Variants in PMS2 observed in about 807,000 individuals in gnomAD.
The protein encoded by PMS2 is PMS1 homolog 2, mismatch repair system component, also known as mismatch repair endonuclease PMS2.
In PMS2, 69 loss-of-function variants were observed where a neutral mutation model predicts 90.0. The observed-to-expected ratio is 0.77, with a 90% CI of 0.63 to 0.94. PMS2 has a LOEUF of 0.94. PMS2 is among the 40% of genes least tolerant of loss of function. The probability of loss-of-function intolerance (pLI) is 0.00; values close to 1 mark genes in which losing one functional copy is unlikely to be tolerated. For missense variants in PMS2, 966 were observed against 1,040.2 expected (o/e 0.93, Z 0.98); for synonymous variants, 332 against 375.1 (o/e 0.89, Z 1.33).
intron 5 of PMS2, among the ~76,000 whole-genome samples, chr7:5,999,779 G>C (rs989815505): frequency 1.8e-4 from 27 of 152,118 alleles, no homozygotes; most frequent in African/African-American, 5.6e-4. Flanking sequence ...CTCGGTGACA[G>C]AGTGAGGCCC....
intron 5 of PMS2, among the ~76,000 whole-genome samples, chr7:6,001,440 G>A (rs1175785436): frequency 6.8e-6 from 1 of 147,026 alleles, no homozygotes; most frequent in Non-Finnish European, 1.5e-5. Context: ...GCTTGATCTC[G>A]GCTCACCGCA....
rs1060503115 is a variant in PMS2, at chr7:5,978,664, T to A, written c.2207A>T (p.Glu736Val). 6.2e-7 allele frequency: 1 copy of A among 1,601,858 alleles called. No individual in the cohort carries two copies. ...TTCCAGATTTTCTATCAGAACAGCT[T>A]CATTAACAGCAGTTAAGTTGAGAGT... ...PQTLNLTAVN[E>V]AVLIENLEIF... The change falls in exon 13 of 15, where the codon GAA becomes GTA. Residue 736 changes from glutamate to valine, a missense_variant. Glu to Val is a moderately radical substitution (Grantham distance 121, BLOSUM62 -2). Around this residue, in one of 2 missense-constraint regions of PMS2, gnomAD observed 95 missense variants for 237.8 expected, o/e 0.40. Coordinates refer to ENST00000265849, the MANE Select transcript of PMS2 (RefSeq NM_000535.7).
chr7:5,985,649 G>C, intron 11 of PMS2, among the ~76,000 whole-genome samples: 1 of 149,308 alleles, frequency 6.7e-6, no homozygotes. Context: ...CACCTCCCGG[G>C]TTCAAGCAAT....
chr7:5,983,330 C>G (rs4724765), intron 11 of PMS2, among the ~76,000 whole-genome samples: 1 of 149,756 alleles, frequency 6.7e-6, no homozygotes, highest in Non-Finnish European at 1.5e-5. Flanking sequence ...AGGCTGGTCT[C>G]GAACTCCTGA....
rs63750535 is a variant in PMS2 at position 5,987,147 on chromosome 7, G to C, written c.1618C>G (p.Pro540Ala). ...TCTGAAAAAGAGTCGTCAGTTTTAG[G>C]CGCTTTCTCCTGAGAGTCCACATGT... is the stretch of plus-strand genomic sequence containing the variant. ...QEHVDSQEKA[P>A]KTDDSFSDVD... Residue 540 changes from proline (P) to alanine (A), a missense_variant, in exon 11 of 15, where the codon CCT becomes GCT. Pro to Ala is a conservative substitution (Grantham distance 27). This residue lies in a region of PMS2 where 871 missense variants were observed against 802.4 expected (regional missense o/e 1.09). Transcript: ENST00000265849. 6.2e-7 allele frequency: 1 copy of C among 1,613,774 alleles called. No individual in the cohort carries two copies. The highest frequency in any genetic ancestry group is 8.5e-7 in the Non-Finnish European group (1 of 1,179,812).
intron 7 of PMS2, among the ~76,000 whole-genome samples, chr7:5,996,568 T>G (rs1341390489): frequency 1.1e-5 from 1 of 93,666 alleles, no homozygotes; most frequent in Non-Finnish European, 2.1e-5. Flanking sequence ...CAAGACTCCA[T>G]CTCAAAGCTA....
chr7:5,983,586 C>T (rs1782540681), intron 11 of PMS2, among the ~76,000 whole-genome samples: 1 of 151,614 alleles, frequency 6.6e-6, no homozygotes, highest in African/African-American at 2.4e-5. Flanking sequence ...TCCATTCTGT[C>T]ATCACTTAAT....
Position 6,003,973 on chromosome 7 carries a change from T to C in PMS2, c.249A>G (p.Leu83=), listed in dbSNP as rs2128829264. 6.3e-7 allele frequency: 1 copy of C among 1,583,232 alleles called. No individual in the cohort carries two copies. Among genetic ancestry groups the C allele is most frequent in the South Asian group, 1.1e-5 (1 of 90,356 alleles). Residue 83 remains leucine (L), a splice_region_variant and synonymous_variant, in exon 3 of 15, where the codon TTA becomes TTG. Transcript: ENST00000265849. The part of the protein sequence containing the change: ...CGVEEENFEG[L]TLKHHTSKIQ... ...TAGGATTAGAAAAAGTCAACTTACTTAAGCCTTCGAAGTTTTCTTCTTCTA... is the reference window on the plus strand; with the variant it reads ...TAGGATTAGAAAAAGTCAACTTACTCAAGCCTTCGAAGTTTTCTTCTTCTA...
rs1781453275 is a variant in PMS2 at position 5,973,137 on chromosome 7, C to G, written c.*262G>C. On this transcript the variant is annotated 3_prime_UTR_variant, in exon 15 of 15. Transcript: ENST00000265849. ...CGATCACAGGCATGAGCCACCATGC[C>G]CAGCCCAAGTGTTCTTATTTTTATA... is the stretch of plus-strand genomic sequence containing the variant. 1.3e-5 allele frequency: 5 copies of G among 392,378 alleles called. No individual in the cohort carries two copies. The highest frequency in any genetic ancestry group is 1.1e-4 in the South Asian group (5 of 45,450). The allele number at this position is 392,378 out of a possible 1,614,324, so 24.3% of individuals were successfully genotyped here.
At chr7:6,008,702 G>T (rs1786176066) in intron 1 of PMS2, among the ~76,000 whole-genome samples, 1 of 152,150 alleles carries the variant, frequency 6.6e-6, no homozygotes, top group Admixed American at 6.5e-5. Flanking sequence ...TCAAGTCCAC[G>T]GCCCTGTGAT....
chr7:5,984,629 A>T lies in PMS2; in HGVS notation c.2007-1638T>A, dbSNP rs189147576. 1.6e-3 allele frequency among the ~76,000 whole-genome samples: 250 copies of T among 151,646 alleles called. 9 individuals carry two copies. Among genetic ancestry groups the T allele is most frequent in the African/African-American group, 5.9e-3 (241 of 41,044 alleles). ...GTGAAACCCCATCTCTACTAAAAAT[A>T]AAAAAATTAGCCAGGCATGGTGGTG... On this transcript the variant is annotated intron_variant, in intron 11 of 14. Transcript: ENST00000265849.
rs1781878047 is a variant in PMS2, at chr7:5,977,904, G to A, written c.2276-147C>T. 26 of 1,291,288 alleles carry A rather than the reference G, an allele frequency of 2.0e-5. 1 individual carries two copies. In the South Asian group the frequency reaches 3.0e-4, roughly 15 times the overall value. 80.0% of individuals were successfully genotyped at this position (1,291,288 alleles called of 1,614,324 possible). ...GGAGGCTGAGGCCAGCGGATCATGAGGTCAGGAGATACAGACCATCCTGGC... is the reference window on the plus strand; with the variant it reads ...GGAGGCTGAGGCCAGCGGATCATGAAGTCAGGAGATACAGACCATCCTGGC... On this transcript the variant is annotated intron_variant, in intron 13 of 14. Coordinates refer to ENST00000265849, the MANE Select transcript of PMS2 (RefSeq NM_000535.7).
chr7:6,003,223 G>A lies in PMS2; in HGVS notation c.353+467C>T, dbSNP rs1417217289. The stretch of plus-strand genomic sequence containing the variant: ...GCACGAGAATCACTTGAACCTGGAA[G>A]GCAGAGATTGCAGTGAGCCGAGACT... On this transcript the variant is annotated intron_variant, in intron 4 of 14. Transcript: ENST00000265849. 5 of 152,786 alleles carry A rather than the reference G, an allele frequency of 3.3e-5. No homozygotes were observed. The East Asian group carries it at 9.6e-4, about 29-fold the overall frequency. The allele number at this position is 152,786 out of a possible 1,614,324, so 9.5% of individuals were successfully genotyped here.
Position 5,987,131 on chromosome 7 carries a change from G to C in PMS2, c.1634C>G (p.Ser545Cys), listed in dbSNP as rs557906137. 8 of 1,614,052 alleles carry C rather than the reference G, an allele frequency of 5.0e-6. No homozygotes were observed. The highest frequency in any genetic ancestry group is 6.8e-6 in the Non-Finnish European group (8 of 1,179,988). The change falls in exon 11 of 15, where the codon TCT (serine) becomes TGT (cysteine). Residue 545 changes from serine to cysteine, a missense_variant. Around this residue, in one of 2 missense-constraint regions of PMS2, gnomAD observed 871 missense variants for 802.4 expected, o/e 1.09. Transcript: ENST00000265849. ...SQEKAPKTDD[S>C]FSDVDCHSNQ... ...TGAATGGCAGTCCACATCTGAAAAA[G>C]AGTCGTCAGTTTTAGGCGCTTTCTC...
Position 5,987,412 on chromosome 7 carries a change from C to G in PMS2, c.1353G>C (p.Arg451Ser), listed in dbSNP as rs776194799. ...CTGAAGTGCTAGAAGACAGCATACC[C>G]CTTTTCTGTCCTAGAGGGCTCCTTC... ...EPRRSPLGQK[R>S]GMLSSSTSGA... is the part of the protein sequence containing the mutation. Residue 451 changes from arginine to serine, a missense_variant, in exon 11 of 15, where the codon AGG (arginine) becomes AGC (serine). Transcript: ENST00000265849. 7 of 1,613,996 alleles carry G rather than the reference C, an allele frequency of 4.3e-6. No individual in the cohort carries two copies. The South Asian group carries it at 7.7e-5, about 18-fold the overall frequency.
At position 5,987,214 on chromosome 7, in the gene PMS2, G is replaced by T. The variant is rs587782479; in HGVS notation, c.1551C>A (p.Ser517Arg). ...CCCCTGGGGAGCTGGCCGCATACTC[G>T]CTGCTGCAGTGACTGCCCGTGTCTG... ...SIPDTGSHCSSEYAASSPGDR... is the reference protein window; with the variant it reads ...SIPDTGSHCSREYAASSPGDR... The change falls in exon 11 of 15, where the codon AGC (serine) becomes AGA (arginine). Residue 517 changes from serine (S) to arginine (R), a missense_variant. By Grantham distance (110) the Ser-to-Arg change is moderately radical. Coordinates refer to ENST00000265849, the MANE Select transcript of PMS2 (RefSeq NM_000535.7). The T allele has an allele frequency of 3.6e-5, 58 of 1,613,908 alleles. No homozygotes were observed. Among genetic ancestry groups the T allele is most frequent in the Non-Finnish European group, 4.8e-5 (57 of 1,180,020 alleles).
In PMS2 at chr7:5,997,420, G is replaced by GAAA; in HGVS notation, c.708_709insTTT (p.Leu236_Gln237insPhe). The GAAA allele has an allele frequency of 6.6e-7, 1 of 1,507,966 alleles. No individual in the cohort carries two copies. The highest frequency in any genetic ancestry group is 1.9e-5 in the Admixed American group (1 of 51,880). The allele number at this position is 1,507,966 out of a possible 1,614,324, so 93.4% of individuals were successfully genotyped here. A position where few individuals can be genotyped will look rare whatever the true frequency, so the allele number is the denominator to read the frequency against. On this transcript the variant is annotated inframe_insertion, in exon 7 of 15. Transcript: ENST00000265849. ...AGCTGAACAAAAGGAATGAGGCTTTGCAACTGAAAAAAAAAAAAAAAAATT... is the reference window on the plus strand; with the variant it reads ...AGCTGAACAAAAGGAATGAGGCTTTGAAACAACTGAAAAAAAAAAAAAAAAATT...
intron 4 of PMS2, 94 bp downstream of exon 4, chr7:6,003,596 T>C (rs1221685015): frequency 1.5e-5 from 11 of 735,846 alleles, no homozygotes; most frequent in African/African-American, 3.5e-5. Context: ...AGTTGAGATG[T>C]TGAGATAGAA....
Position 5,999,103 on chromosome 7 carries a change from A to G in PMS2, c.705+5T>C, listed in dbSNP as rs763422964. 1 of 1,614,036 alleles carries G rather than the reference A, an allele frequency of 6.2e-7. No homozygotes were observed. Among genetic ancestry groups the G allele is most frequent in the Non-Finnish European group, 8.5e-7 (1 of 1,179,960 alleles). Reference sequence around the variant, plus strand: ...AGAGGCGTTGAAGTAACCGGCCATCACTACCTGCTTCTGCCCAAACACAGA... The same window carrying G: ...AGAGGCGTTGAAGTAACCGGCCATCGCTACCTGCTTCTGCCCAAACACAGA... On this transcript the variant is annotated splice_donor_5th_base_variant and intron_variant, in intron 6 of 14. Transcript: ENST00000265849.
Sources: gnomAD v4.1 joint callset for allele counts (sites outside exome capture counted in the v4.1 genomes callset) on GRCh38, gnomAD v4.1.1 for gene constraint, gnomAD v4.1.1 regional missense constraint, MANE v1.5 for transcripts, NCBI Gene and HGNC (gene_info 2026-07-23, HGNC 2026-07-21) for gene names.